The following ANKRD18A variants were observed in gnomAD, a reference collection of about 807,000 sequenced individuals.
ANKRD18A encodes the protein ankyrin repeat domain 18A.
A neutral mutation model predicts 110.6 loss-of-function variants in ANKRD18A; 72 were observed. The observed-to-expected ratio is 0.65, with a 90% CI of 0.54 to 0.79. ANKRD18A has a LOEUF of 0.79. Among genes scored for constraint, ANKRD18A ranks in the 30% least tolerant of loss-of-function variants. ANKRD18A has a pLI of 0.00. For missense variants in ANKRD18A, 934 were observed against 1,163.3 expected, an observed-to-expected ratio of 0.80 and a Z score of 2.87; for synonymous variants, 305 against 410.3, an observed-to-expected ratio of 0.74 and a Z score of 3.10.
At position 38,595,638 on chromosome 9, in the gene ANKRD18A, C is replaced by T; in HGVS notation, c.1702G>A (p.Asp568Asn). ...ATATTAATGACTATCTCTTTATTAT[C>T]GCCTTCCTTACGAGCATCCTCTAGT... is the stretch of plus-strand genomic sequence containing the variant. The part of the protein sequence containing the change: ...RQLEDARKEG[D>N]NKEIVINIHR... Residue 568 changes from aspartate (D) to asparagine (N), a missense_variant, in exon 9 of 16, where the codon GAT becomes AAT. Physicochemically the swap from Asp to Asn is conservative, Grantham distance 23 (BLOSUM62 1). Around this residue, in one of 4 missense-constraint regions of ANKRD18A, gnomAD observed 630 missense variants for 797.5 expected, o/e 0.79. Coordinates refer to ENST00000399703, the MANE Select transcript of ANKRD18A (RefSeq NM_147195.4). The T allele has an allele frequency of 3.9e-6, 6 of 1,551,044 alleles. No homozygotes were observed. Among genetic ancestry groups the T allele is most frequent in the East Asian group, 4.9e-5 (2 of 40,900 alleles).
chr9:38,607,819 T>C (rs1440008507), intron 5 of ANKRD18A, among the ~76,000 whole-genome samples: 1 of 152,244 alleles, frequency 6.6e-6, no homozygotes, highest in Non-Finnish European at 1.5e-5. Context: ...GTTGCTTCTC[T>C]TAGCCTCCAT....
Position 38,595,948 on chromosome 9 carries a change from T to A in ANKRD18A, c.1392A>T (p.Gln464His). 6.4e-7 allele frequency: 1 copy of A among 1,550,686 alleles called. No individual in the cohort carries two copies. The highest frequency in any genetic ancestry group is 1.2e-5 in the South Asian group (1 of 83,816). ...RHEKMGSNISQLTDKNELLTE... is the reference protein window; with the variant it reads ...RHEKMGSNISHLTDKNELLTE... Reference sequence around the variant, plus strand: ...TAAGCAACTCATTCTTATCTGTTAGTTGAGAAATATTAGAACCCATTTTTT... The same window carrying A: ...TAAGCAACTCATTCTTATCTGTTAGATGAGAAATATTAGAACCCATTTTTT... Residue 464 changes from glutamine to histidine, a missense_variant, in exon 9 of 16, where the codon CAA (glutamine) becomes CAT (histidine). Physicochemically the swap from Gln to His is conservative, Grantham distance 24. Coordinates refer to ENST00000399703, the MANE Select transcript of ANKRD18A (RefSeq NM_147195.4).
intron 11 of ANKRD18A, among the ~76,000 whole-genome samples, chr9:38,588,123 A>G (rs1292218634): frequency 6.6e-6 from 1 of 152,124 alleles, no homozygotes; most frequent in Non-Finnish European, 1.5e-5. Context: ...AAATAGGCGT[A>G]ATGTTTTGGC....
chr9:38,603,962 G>T (rs1825242199), intron 6 of ANKRD18A, among the ~76,000 whole-genome samples: 1 of 152,168 alleles, frequency 6.6e-6, no homozygotes, highest in South Asian at 2.1e-4. Flanking sequence ...CTTTCCCAGT[G>T]CCTGGTTTAG....
intron 5 of ANKRD18A, 54 bp from the exon 6 acceptor site, chr9:38,607,547 T>G: frequency 8.2e-7 from 1 of 1,220,170 alleles, no homozygotes. Context: ...ATGAAAAATA[T>G]TTGCCAAACA....
downstream of ANKRD18A, among the ~76,000 whole-genome samples, chr9:38,570,456 C>T (rs575778772): frequency 2.6e-5 from 4 of 151,974 alleles, no homozygotes; most frequent in African/African-American, 7.3e-5. Context: ...ATGTTCCAAC[C>T]GATCAGGCCC....
chr9:38,611,200 C>T lies in ANKRD18A; in HGVS notation c.602+15G>A. 6 of 1,521,946 alleles carry T rather than the reference C, an allele frequency of 3.9e-6. No individual in the cohort carries two copies. The highest frequency in any genetic ancestry group is 5.3e-6 in the Non-Finnish European group (6 of 1,138,336). 94.3% of individuals were successfully genotyped at this position (1,521,946 alleles called of 1,614,324 possible). A position where few individuals can be genotyped will look rare whatever the true frequency, so the allele number is the denominator to read the frequency against. On this transcript the variant is annotated intron_variant, in intron 4 of 15. Transcript: ENST00000399703. ...TTTTAGGAAAAAAGAAAACAAAAAA[C>T]AAAAACTATTGCACCTTTTGAAATT...
Position 38,593,882 on chromosome 9 carries a change from G to C in ANKRD18A, c.1882C>G (p.Leu628Val). ...EVIVREFQEE[L>V]VDHLKTFSIS... The stretch of plus-strand genomic sequence containing the variant: ...GAAAATGTTTTAAGGTGATCGACCA[G>C]TTCTTCTTGAAATTCTCTCACAATC... The change falls in exon 10 of 16, where the codon CTG (leucine) becomes GTG (valine). Residue 628 changes from leucine to valine, a missense_variant. Leu to Val is a conservative substitution (Grantham distance 32). This residue lies in a region of ANKRD18A where 630 missense variants were observed against 797.5 expected (regional missense o/e 0.79). Transcript: ENST00000399703. 6.7e-7 allele frequency: 1 copy of C among 1,497,598 alleles called. No individual in the cohort carries two copies. The highest frequency in any genetic ancestry group is 1.4e-5 in the African/African-American group (1 of 70,900). The allele number at this position is 1,497,598 out of a possible 1,614,324, so 92.8% of individuals were successfully genotyped here. A position where few individuals can be genotyped will look rare whatever the true frequency, so the allele number is the denominator to read the frequency against.
chr9:38,607,098 C>G (rs1825394496), intron 6 of ANKRD18A, among the ~76,000 whole-genome samples: 1 of 152,122 alleles, frequency 6.6e-6, no homozygotes, highest in South Asian at 2.1e-4. Flanking sequence ...GCTCTTCCAT[C>G]CAGGCTGGAG....
chr9:38,606,057 A>G (rs965174723), intron 6 of ANKRD18A, among the ~76,000 whole-genome samples: 2 of 152,236 alleles, frequency 1.3e-5, no homozygotes, highest in Non-Finnish European at 2.9e-5. Context: ...CCTTGTTTGT[A>G]TAAGAATATG....
At position 38,601,146 on chromosome 9, in the gene ANKRD18A, T is replaced by C. The variant is rs1825102673; in HGVS notation, c.921A>G (p.Glu307=). The stretch of plus-strand genomic sequence containing the variant: ...TGTTACATACCTGTGGCTGTTTATT[T>C]TCACTTCTTTGGAGCCTTTCTTGCT... ...EEKQERLQRS[E]NKQPQDSQSY... is the part of the protein sequence containing the mutation. The change falls in exon 8 of 16, where the codon GAA becomes GAG. Residue 307 remains glutamate (E), a synonymous_variant. Transcript: ENST00000399703. 2 of 1,557,798 alleles carry C rather than the reference T, an allele frequency of 1.3e-6. No individual in the cohort carries two copies. The highest frequency in any genetic ancestry group is 1.7e-6 in the Non-Finnish European group (2 of 1,149,988).
chr9:38,584,092 A>C (rs1295036288), intron 12 of ANKRD18A, among the ~76,000 whole-genome samples: 2 of 152,116 alleles, frequency 1.3e-5, no homozygotes, highest in African/African-American at 4.8e-5. Flanking sequence ...TTCAATTGTG[A>C]GGTGGAAATC....
intron 3 of ANKRD18A, among the ~76,000 whole-genome samples, chr9:38,614,559 T>C (rs1048729605): frequency 2.0e-5 from 3 of 152,188 alleles, no homozygotes; most frequent in Admixed American, 6.5e-5. Context: ...CCCCAGGTCA[T>C]TGTAATGCAC....
rs143172808 is a variant in ANKRD18A at position 38,586,065 on chromosome 9, G to C, written c.2247+118C>G. ...AATGCCTACGGGGCTTAATACCTAGGTGATGCATTGATACGTGCAGCAAAC... is the reference window on the plus strand; with the variant it reads ...AATGCCTACGGGGCTTAATACCTAGCTGATGCATTGATACGTGCAGCAAAC... On this transcript the variant is annotated intron_variant, in intron 12 of 15. Transcript: ENST00000399703. The C allele has an allele frequency of 8.8e-3, 9,791 of 1,116,464 alleles. 86 individuals carry two copies. Among genetic ancestry groups the C allele is most frequent in the South Asian group, 0.035 (2,039 of 58,804 alleles). 69.2% of individuals were successfully genotyped at this position (1,116,464 alleles called of 1,614,324 possible).
chr9:38,568,988 C>G, downstream of ANKRD18A: 11 of 985,438 alleles, frequency 1.1e-5, no homozygotes, highest in Non-Finnish European at 1.3e-5. Flanking sequence ...AAGTTTCCAG[C>G]TTCCCCTTTG....
chr9:38,619,052 T>A (rs1399634139), intron 1 of ANKRD18A, among the ~76,000 whole-genome samples: 1 of 151,600 alleles, frequency 6.6e-6, no homozygotes, highest in Non-Finnish European at 1.5e-5. Context: ...GTGTGTTATC[T>A]TTTGTTAATT....
At chr9:38,610,787 A>G (rs1409677804) in intron 4 of ANKRD18A, among the ~76,000 whole-genome samples, 3 of 151,998 alleles carry the variant, frequency 2.0e-5, no homozygotes, top group African/African-American at 7.3e-5. Context: ...ATTCAAAGTC[A>G]GCTAGGGATC....
chr9:38,620,059 C>T, intron 1 of ANKRD18A, 21 bp downstream of exon 1: 1 of 1,548,832 alleles, frequency 6.5e-7, no homozygotes, highest in Non-Finnish European at 8.7e-7. Context: ...CCTCCCACCG[C>T]GGGCTGAGTC....
At chr9:38,613,740 C>T (rs1563977939) in intron 3 of ANKRD18A, among the ~76,000 whole-genome samples, 2 of 152,150 alleles carry the variant, frequency 1.3e-5, no homozygotes, top group Admixed American at 6.5e-5. Context: ...ACTTAATAGG[C>T]ATACTGAGAT....
Sources: allele counts gnomAD v4.1 joint callset (sites outside exome capture counted in the v4.1 genomes callset), GRCh38; gene constraint gnomAD v4.1.1; regional missense constraint gnomAD v4.1.1; transcripts MANE v1.5; gene names NCBI Gene and HGNC (gene_info 2026-07-23, HGNC 2026-07-21).